TTC7A: variants seen among roughly 807,000 people sequenced by gnomAD.
TTC7A encodes the protein tetratricopeptide repeat domain 7A.
A neutral mutation model predicts 103.7 loss-of-function variants in TTC7A; 110 were observed. That is an observed-to-expected ratio of 1.06 (90% CI 0.91 to 1.24). The LOEUF (loss-of-function observed/expected upper bound fraction) is 1.24. TTC7A is among the 50% of genes most tolerant of loss of function. The probability of loss-of-function intolerance (pLI) is 0.00; values close to 1 mark genes in which losing one functional copy is unlikely to be tolerated. For missense variants in TTC7A, 1,340 were observed against 1,116.3 expected, an observed-to-expected ratio of 1.20 and a Z score of -2.86; for synonymous variants, 521 against 467.9, an observed-to-expected ratio of 1.11 and a Z score of -1.47.
chr2:46,970,249 G>C (rs947057078), intron 3 of TTC7A, among the ~76,000 whole-genome samples: 1 of 152,156 alleles, frequency 6.6e-6, no homozygotes, highest in Non-Finnish European at 1.5e-5. Context: ...GGGCTTCCCA[G>C]TGTGCTGGGA....
intron 14 of TTC7A, among the ~76,000 whole-genome samples, chr2:47,027,701 G>T (rs1423334877): frequency 6.6e-6 from 1 of 152,236 alleles, no homozygotes; most frequent in Non-Finnish European, 1.5e-5. Flanking sequence ...GGCAGCAGGT[G>T]GGGGCTGCCT....
At chr2:46,933,342 G>A (rs1354709726) in intron 2 of TTC7A, among the ~76,000 whole-genome samples, 1 of 152,228 alleles carries the variant, frequency 6.6e-6, no homozygotes, top group Non-Finnish European at 1.5e-5. Flanking sequence ...ATCTCCAAGT[G>A]TGGGAAAATC....
intron 18 of TTC7A, among the ~76,000 whole-genome samples, chr2:47,055,322 A>G (rs1014014955): frequency 6.6e-6 from 1 of 152,208 alleles, no homozygotes; most frequent in African/African-American, 2.4e-5. Flanking sequence ...GTTGAATTCA[A>G]AGAGACTGTC....
chr2:46,958,032 T>C lies in TTC7A; in HGVS notation c.517+1025T>C, dbSNP rs183056434. On this transcript the variant is annotated intron_variant, in intron 3 of 19. Transcript: ENST00000319190. ...ACATGGTGGAGCCAGGATGAGAACC[T>C]CCATGCTCTGACTCTGGCCTTGGAG... Among the ~76,000 whole-genome samples the C allele has an allele frequency of 9.9e-5, 15 of 152,242 alleles. 1 individual carries two copies. The highest frequency in any genetic ancestry group is 9.7e-4 in the East Asian group (5 of 5,170).
chr2:46,917,294 G>C, intron 2 of TTC7A: 1 of 655,766 alleles, frequency 1.5e-6, no homozygotes, highest in Non-Finnish European at 2.7e-6. Context: ...CACCGCGCCG[G>C]GACAAAGAAT....
intron 15 of TTC7A, among the ~76,000 whole-genome samples, chr2:47,037,090 C>T (rs1681196266): frequency 6.6e-6 from 1 of 152,210 alleles, no homozygotes; most frequent in Admixed American, 6.5e-5. Context: ...AGGCCTTTGT[C>T]TGCCCTTCCT....
chr2:47,006,364 A>G (rs1677383507), intron 9 of TTC7A, among the ~76,000 whole-genome samples: 1 of 152,230 alleles, frequency 6.6e-6, no homozygotes, highest in East Asian at 1.9e-4. Flanking sequence ...CACTTTCACA[A>G]ATCTTATTCC....
At chr2:47,066,855 C>G (rs1684222390) in intron 19 of TTC7A, among the ~76,000 whole-genome samples, 1 of 152,134 alleles carries the variant, frequency 6.6e-6, no homozygotes, top group Non-Finnish European at 1.5e-5. Context: ...CATGTGTGGC[C>G]TTTTTAAAAA....
intron 16 of TTC7A, chr2:47,047,137 A>G (rs2104706221): frequency 1.6e-6 from 1 of 626,214 alleles, no homozygotes; most frequent in Non-Finnish European, 2.9e-6. Flanking sequence ...CCAAAGGGAA[A>G]GTGGGCCTCC....
At chr2:46,966,912 T>TTC (rs397984484) in intron 3 of TTC7A, among the ~76,000 whole-genome samples, 1 of 150,894 alleles carries the variant, frequency 6.6e-6, no homozygotes, top group African/African-American at 2.4e-5. Context: ...TTTTTTTTTT[T>TTC]CCGTTAAAAA....
At chr2:46,949,038 A>G (rs1273118510) in intron 1 of TTC7A, among the ~76,000 whole-genome samples, 1 of 151,942 alleles carries the variant, frequency 6.6e-6, no homozygotes, top group Non-Finnish European at 1.5e-5. Context: ...CCTGCTCCTC[A>G]CCCCAGTTGC....
intron 19 of TTC7A, among the ~76,000 whole-genome samples, chr2:47,063,253 C>G (rs1424701499): frequency 6.6e-6 from 1 of 152,116 alleles, no homozygotes; most frequent in East Asian, 1.9e-4. Flanking sequence ...AATCCTCGTT[C>G]CTGGGCCATA....
chr2:47,018,654 A>G (rs1436051732), intron 11 of TTC7A, among the ~76,000 whole-genome samples: 1 of 151,672 alleles, frequency 6.6e-6, no homozygotes, highest in Non-Finnish European at 1.5e-5. Context: ...GATATCATAT[A>G]TGAAATATAC....
chr2:46,948,102 G>A (rs780335408), intron 1 of TTC7A, among the ~76,000 whole-genome samples: 1 of 152,248 alleles, frequency 6.6e-6, no homozygotes, highest in Non-Finnish European at 1.5e-5. Flanking sequence ...TGATGGTGCC[G>A]TATCTGGTGG....
Position 47,073,844 on chromosome 2 carries a change from T to A in TTC7A, c.2498T>A (p.Val833Asp). The A allele has an allele frequency of 6.2e-7, 1 of 1,613,756 alleles. No individual in the cohort carries two copies. Among genetic ancestry groups the A allele is most frequent in the Non-Finnish European group, 8.5e-7 (1 of 1,180,010 alleles). ...GCCCAGGGCCAGAACGAGGCTGCCG[T>A]TGACTGCTTCCTCACCGCCCTTGAG... ...LQAQGQNEAA[V>D]DCFLTALELE... Residue 833 changes from valine (V) to aspartate (D), a missense_variant, in exon 20 of 20, where the codon GTT becomes GAT. Val to Asp is a radical substitution (Grantham distance 152, BLOSUM62 -3). Transcript: ENST00000319190.
chr2:46,947,095 G>A (rs563132606), intron 1 of TTC7A, among the ~76,000 whole-genome samples: 5 of 152,286 alleles, frequency 3.3e-5, no homozygotes, highest in East Asian at 3.9e-4. Flanking sequence ...AGCTTTTAAC[G>A]TACTCTTTTA....
chr2:46,962,645 A>G (rs1558513168), intron 3 of TTC7A, among the ~76,000 whole-genome samples: 1 of 152,140 alleles, frequency 6.6e-6, no homozygotes, highest in Non-Finnish European at 1.5e-5. Flanking sequence ...GCCATGGCTC[A>G]TTGGGGCAGT....
chr2:47,047,343 C>CA (rs1223643482), intron 16 of TTC7A: 2 of 1,540,896 alleles, frequency 1.3e-6, no homozygotes, highest in African/African-American at 2.7e-5. Context: ...GGAGGGTAAT[C>CA]AGACAGAGTA....
Position 46,941,318 on chromosome 2 carries a change from C to T in TTC7A, c.-224C>T. 4.8e-6 allele frequency: 1 copy of T among 210,438 alleles called. No homozygotes were observed. Among genetic ancestry groups the T allele is most frequent in the Non-Finnish European group, 8.8e-6 (1 of 113,612 alleles). The allele number at this position is 210,438 out of a possible 1,614,324, so 13.0% of individuals were successfully genotyped here. A position where few individuals can be genotyped will look rare whatever the true frequency, so the allele number is the denominator to read the frequency against. The stretch of plus-strand genomic sequence containing the variant: ...CCTGTACGCGTACGGGCCGCTCGGC[C>T]GGAGCCGCAGCCCGGAGGCGCCGGG... On this transcript the variant is annotated 5_prime_UTR_variant, in exon 1 of 20. Coordinates refer to ENST00000319190, the MANE Select transcript of TTC7A (RefSeq NM_020458.4). The surrounding 1 kb of genome is among the most constrained non-coding windows in gnomAD (Gnocchi z 4.2).
Sources: allele counts gnomAD v4.1 joint callset (sites outside exome capture counted in the v4.1 genomes callset), GRCh38; gene constraint gnomAD v4.1.1; non-coding constraint Gnocchi (gnomAD v3.1); transcripts MANE v1.5; gene names NCBI Gene and HGNC (gene_info 2026-07-23, HGNC 2026-07-21).